The following HDC variants were observed in gnomAD, a reference collection of about 807,000 sequenced individuals.
The protein encoded by HDC is histidine decarboxylase.
In HDC, 27 loss-of-function variants were observed where a neutral mutation model predicts 64.4. That is an observed-to-expected ratio of 0.42 (90% CI 0.31 to 0.58). HDC has a LOEUF of 0.58. HDC is among the 20% of genes least tolerant of loss of function. HDC has a pLI of 0.16. For missense variants in HDC, 711 were observed against 833.9 expected (o/e 0.85, Z 1.81); for synonymous variants, 305 against 314.2 (o/e 0.97, Z 0.31).
rs2045515032 is a variant in HDC, at chr15:50,248,679, AT to A, written c.1042-337del. Among the ~76,000 whole-genome samples, 1 of 152,222 alleles carries A rather than the reference AT, an allele frequency of 6.6e-6. No homozygotes were observed. Among genetic ancestry groups the A allele is most frequent in the African/African-American group, 2.4e-5 (1 of 41,448 alleles). ...CAGAAACTCAACATAAGGGAAATAC[AT>A]TTTTACTCTAAATGAATCTTTATTC... On this transcript the variant is annotated intron_variant, in intron 9 of 11. Transcript: ENST00000267845. This position sits in a 1 kb window ranked among gnomAD's most constrained non-coding sequence, Gnocchi z 4.3.
rs145852788 is a variant in HDC at position 50,261,307 on chromosome 15, T to G, written c.204+1928A>C. Among the ~76,000 whole-genome samples, 839 of 152,356 alleles carry G rather than the reference T, an allele frequency of 5.5e-3. 9 individuals carry two copies. The highest frequency in any genetic ancestry group is 0.019 in the African/African-American group (798 of 41,572). On this transcript the variant is annotated intron_variant, in intron 2 of 11. Coordinates refer to ENST00000267845, the MANE Select transcript of HDC (RefSeq NM_002112.4). ...GCTCATTTCCACCTCTTCTGACAGT[T>G]GCTTTCAGTCTCACTCCCAGATTAC... is the stretch of plus-strand genomic sequence containing the variant.
intron 7 of HDC, chr15:50,253,056 G>T (rs1567451032): frequency 3.9e-6 from 2 of 508,910 alleles, no homozygotes; most frequent in East Asian, 7.2e-5. Context: ...GAACATCCTG[G>T]CACAGAAATC....
In HDC at chr15:50,254,277, G is replaced by C. The variant is rs781050182; in HGVS notation, c.577-4C>G. 1 of 1,613,934 alleles carries C rather than the reference G, an allele frequency of 6.2e-7. No individual in the cohort carries two copies. Among genetic ancestry groups the C allele is most frequent in the African/African-American group, 1.3e-5 (1 of 74,908 alleles). ...CCTTTTCCACAGAGGAGTGAGCCTA[G>C]AAGGGCCACAGAAACCTGTCAGCAA... is the stretch of plus-strand genomic sequence containing the variant. On this transcript the variant is annotated splice_polypyrimidine_tract_variant and splice_region_variant and intron_variant, in intron 5 of 11. Transcript: ENST00000267845.
intron 10 of HDC, among the ~76,000 whole-genome samples, chr15:50,247,541 C>T (rs1195714717): frequency 1.3e-5 from 2 of 152,112 alleles, no homozygotes; most frequent in Non-Finnish European, 2.9e-5. Context: ...CAGCTTCCCC[C>T]ACTACTTTTA....
At chr15:50,243,323 G>C (rs1442491904) in intron 10 of HDC, 79 bp from the exon 11 acceptor site, 2 of 971,544 alleles carry the variant, frequency 2.1e-6, no homozygotes, top group Non-Finnish European at 1.7e-6. Flanking sequence ...CTGCTAAATG[G>C]TTTTAAACCA....
chr15:50,251,273 ATC>A (rs1415761930), intron 9 of HDC, among the ~76,000 whole-genome samples: 1 of 152,206 alleles, frequency 6.6e-6, no homozygotes, highest in African/African-American at 2.4e-5. Context: ...GTCCTAACAA[ATC>A]TCTGCAGCTT....
chr15:50,261,802 C>T (rs951758997), intron 2 of HDC, among the ~76,000 whole-genome samples: 1 of 151,626 alleles, frequency 6.6e-6, no homozygotes, highest in Non-Finnish European at 1.5e-5. Flanking sequence ...CTCCGCCTCC[C>T]GGGTTCAAGC....
At chr15:50,253,326 G>A (rs1189448457) in intron 7 of HDC, 5 of 520,660 alleles carry the variant, frequency 9.6e-6, no homozygotes, top group Non-Finnish European at 1.7e-5. Context: ...CAACATACAA[G>A]TAAGAGGATG....
At chr15:50,245,194 C>T (rs1300907671) in intron 10 of HDC, among the ~76,000 whole-genome samples, 1 of 152,234 alleles carries the variant, frequency 6.6e-6, no homozygotes, top group Non-Finnish European at 1.5e-5. Context: ...CACAGTGCAG[C>T]CATGGCCAAA....
In HDC at chr15:50,263,235, C is replaced by T. The variant is rs1306653916; in HGVS notation, c.204G>A (p.Gly68=). The T allele has an allele frequency of 1.9e-6, 3 of 1,614,080 alleles. No individual in the cohort carries two copies. ...FGDIERIIMP[G]VVHWQSPHMH... ...TGCCCTTGTGGTCACTGTGTCTCAC[C>T]CCAGGCATGATGATTCGTTCAATGT... Residue 68 remains glycine (G), a splice_region_variant and synonymous_variant, in exon 2 of 12, where the codon GGG becomes GGA. Transcript: ENST00000267845.
In HDC at chr15:50,248,187, C is replaced by T; in HGVS notation, c.1140+58G>A. On this transcript the variant is annotated intron_variant, in intron 10 of 11. Coordinates refer to ENST00000267845, the MANE Select transcript of HDC (RefSeq NM_002112.4). This position sits in a 1 kb window ranked among gnomAD's most constrained non-coding sequence, Gnocchi z 4.3. ...ATCTGCAAAGTAGAAACCAGCCTTC[C>T]TCGCCATGAGAAAACAGAGGAACAC... 1 of 1,273,978 alleles carries T rather than the reference C, an allele frequency of 7.8e-7. No individual in the cohort carries two copies. The highest frequency in any genetic ancestry group is 1.1e-6 in the Non-Finnish European group (1 of 874,806). The allele number at this position is 1,273,978 out of a possible 1,614,324, so 78.9% of individuals were successfully genotyped here.
Position 50,254,477 on chromosome 15 carries a change from A to G in HDC, c.576+53T>C, listed in dbSNP as rs57418268. The G allele has an allele frequency of 2.0e-3, 3,219 of 1,613,434 alleles. 56 individuals carry two copies. In the African/African-American group the frequency reaches 0.04, roughly 20 times the overall value. On this transcript the variant is annotated intron_variant, in intron 5 of 11. Transcript: ENST00000267845. ...AGAAAAAAATTGCTCAAGGACCAAG[A>G]TTCCAGAAGCCAAGCACCAACCCGA...
chr15:50,264,945 G>T (rs1217223713), intron 1 of HDC, among the ~76,000 whole-genome samples: 2 of 152,186 alleles, frequency 1.3e-5, no homozygotes, highest in Admixed American at 1.3e-4. Flanking sequence ...GCTCTCAGCT[G>T]ACAGTGCCTT....
chr15:50,249,563 CTG>C (rs1422306457), intron 9 of HDC, among the ~76,000 whole-genome samples: 2 of 152,146 alleles, frequency 1.3e-5, no homozygotes, highest in African/African-American at 2.4e-5. Flanking sequence ...AAGCAAAACT[CTG>C]TTGTGCTGGG....
At chr15:50,249,768 T>G (rs1290770900) in intron 9 of HDC, among the ~76,000 whole-genome samples, 6 of 152,234 alleles carry the variant, frequency 3.9e-5, no homozygotes, top group Admixed American at 6.5e-5. Flanking sequence ...ATTTCATATA[T>G]AGAGAGAGCT....
intron 5 of HDC, 51 bp from the exon 6 acceptor site, chr15:50,254,324 C>T (rs747313409): frequency 1.2e-5 from 20 of 1,605,756 alleles, no homozygotes; most frequent in Admixed American, 1.7e-5. Context: ...GGAATGATCA[C>T]CCCCCAGAAA....
At chr15:50,255,739 G>A (rs911218723) in intron 4 of HDC, among the ~76,000 whole-genome samples, 3 of 152,190 alleles carry the variant, frequency 2.0e-5, no homozygotes, top group Non-Finnish European at 4.4e-5. Flanking sequence ...GATGGAGGCT[G>A]CAGTGAGCCA....
chr15:50,257,036 C>T (rs1007679383), intron 4 of HDC, among the ~76,000 whole-genome samples: 2 of 152,226 alleles, frequency 1.3e-5, no homozygotes, highest in Admixed American at 1.3e-4. Context: ...TAATTGCTCT[C>T]ACTGCAAGGG....
intron 4 of HDC, among the ~76,000 whole-genome samples, chr15:50,254,958 T>A (rs1361773228): frequency 6.6e-6 from 1 of 152,156 alleles, no homozygotes; most frequent in East Asian, 1.9e-4. Flanking sequence ...AAAAAGAGAA[T>A]GTTCTGTCCC....
Sources: allele counts gnomAD v4.1 joint callset (sites outside exome capture counted in the v4.1 genomes callset), GRCh38; gene constraint gnomAD v4.1.1; non-coding constraint Gnocchi (gnomAD v3.1); transcripts MANE v1.5; gene names NCBI Gene and HGNC (gene_info 2026-07-23, HGNC 2026-07-21).